Variants in PIWIL4 observed in about 807,000 individuals in gnomAD.
The protein encoded by PIWIL4 is piwi like RNA-mediated gene silencing 4, also known as piwi-like protein 4.
In PIWIL4, 50 loss-of-function variants were observed where a neutral mutation model predicts 100.9. The observed-to-expected ratio is 0.50, with a 90% CI of 0.39 to 0.63. The LOEUF (loss-of-function observed/expected upper bound fraction) is 0.63. PIWIL4 is among the 20% of genes least tolerant of loss of function. The probability of loss-of-function intolerance (pLI) is 0.00; values close to 1 mark genes in which losing one functional copy is unlikely to be tolerated. For synonymous variants in PIWIL4, 342 were observed against 367.5 expected, an observed-to-expected ratio of 0.93 and a Z score of 0.79; for missense variants, 887 against 1,043.3, an observed-to-expected ratio of 0.85 and a Z score of 2.06.
At chr11:94,607,663 C>A in intron 14 of PIWIL4, 24 bp downstream of exon 14, 4 of 1,588,536 alleles carry the variant, frequency 2.5e-6, no homozygotes, top group Non-Finnish European at 2.6e-6. Context: ...CACATTTTTT[C>A]TATTAGTAAT....
At chr11:94,620,420 A>G (rs183180849) in intron 19 of PIWIL4, among the ~76,000 whole-genome samples, 3 of 152,336 alleles carry the variant, frequency 2.0e-5, no homozygotes, top group Non-Finnish European at 2.9e-5. Flanking sequence ...TCTTATGCAA[A>G]CCTGGGAGGA....
chr11:94,603,908 A>G (rs539692699), intron 12 of PIWIL4, 76 bp from the exon 13 acceptor site: 25 of 853,286 alleles, frequency 2.9e-5, no homozygotes, highest in Admixed American at 2.5e-4. Context: ...ATTTATTTGT[A>G]TTATTTCTAA....
intron 13 of PIWIL4, among the ~76,000 whole-genome samples, chr11:94,606,650 T>C (rs1362506149): frequency 1.3e-5 from 2 of 151,920 alleles, no homozygotes; most frequent in Admixed American, 1.3e-4. Flanking sequence ...CTGGCCAACA[T>C]AGTGAAACCC....
At chr11:94,595,450 T>C (rs1427214296) in intron 10 of PIWIL4, 24 bp downstream of exon 10, 2 of 1,578,978 alleles carry the variant, frequency 1.3e-6, no homozygotes, top group South Asian at 2.2e-5. Flanking sequence ...GCATGCATCC[T>C]TCCTGGGGCT....
chr11:94,595,538 C>A lies in PIWIL4; in HGVS notation c.1268+112C>A. The A allele has an allele frequency of 4.5e-6, 4 of 890,816 alleles. No individual in the cohort carries two copies. In the South Asian group the frequency reaches 5.0e-5, roughly 11 times the overall value. The allele number at this position is 890,816 out of a possible 1,614,324, so 55.2% of individuals were successfully genotyped here. On this transcript the variant is annotated intron_variant, in intron 10 of 19. Coordinates refer to ENST00000299001, the MANE Select transcript of PIWIL4 (RefSeq NM_152431.3). Reference sequence around the variant, plus strand: ...ATGTGTCATTCATATTGATTCAGAGCAAGGAGCTTTTGAATTGTGCTGTCC... The same window carrying A: ...ATGTGTCATTCATATTGATTCAGAGAAAGGAGCTTTTGAATTGTGCTGTCC...
intron 10 of PIWIL4, among the ~76,000 whole-genome samples, chr11:94,595,998 C>G (rs188247071): frequency 5.3e-5 from 8 of 152,154 alleles, no homozygotes; most frequent in Non-Finnish European, 7.4e-5. Context: ...CTTTCTGACC[C>G]TCTAAAACTG....
intron 2 of PIWIL4, among the ~76,000 whole-genome samples, chr11:94,573,444 T>C (rs1437826036): frequency 1.3e-5 from 2 of 152,202 alleles, no homozygotes; most frequent in African/African-American, 2.4e-5. Flanking sequence ...ATAGCTCTTA[T>C]TATTTTGAGA....
At chr11:94,597,663 T>A (rs1948574377) in intron 10 of PIWIL4, 141 bp from the exon 11 acceptor site, 1 of 597,666 alleles carries the variant, frequency 1.7e-6, no homozygotes, top group Non-Finnish European at 2.9e-6. Context: ...AGTTGTCCCG[T>A]AATTCTTTTA....
rs1226491814 is a variant in PIWIL4 at position 94,605,745 on chromosome 11, C to T, written c.1638+1689C>T. On this transcript the variant is annotated intron_variant, in intron 13 of 19. Coordinates refer to ENST00000299001, the MANE Select transcript of PIWIL4 (RefSeq NM_152431.3). The stretch of plus-strand genomic sequence containing the variant: ...GAACTTTCTCTTCTCCCCATTTATT[C>T]GTTTGTTTCTTTATATCTGCATAGA... Among the ~76,000 whole-genome samples, 3 of 152,080 alleles carry T rather than the reference C, an allele frequency of 2.0e-5. No individual in the cohort carries two copies. In the East Asian group the frequency reaches 5.8e-4, roughly 29 times the overall value.
intron 11 of PIWIL4, among the ~76,000 whole-genome samples, chr11:94,598,708 T>C (rs1286424278): frequency 1.5e-5 from 2 of 134,046 alleles, no homozygotes; most frequent in Non-Finnish European, 3.4e-5. Context: ...TTTCCATCTT[T>C]TTTTTTTTTT....
At chr11:94,601,299 G>C (rs576861438) in intron 11 of PIWIL4, among the ~76,000 whole-genome samples, 1 of 152,286 alleles carries the variant, frequency 6.6e-6, no homozygotes, top group East Asian at 1.9e-4. Flanking sequence ...GCTTCAGCCA[G>C]TCCCTCCGTT....
chr11:94,597,401 G>A (rs958121311), intron 10 of PIWIL4, among the ~76,000 whole-genome samples: 3 of 152,234 alleles, frequency 2.0e-5, no homozygotes, highest in Non-Finnish European at 4.4e-5. Context: ...AGGGACTGTG[G>A]TGAGCACTTT....
chr11:94,621,039 T>C lies in PIWIL4; in HGVS notation c.*47T>C. On this transcript the variant is annotated 3_prime_UTR_variant, in exon 20 of 20. Coordinates refer to ENST00000299001, the MANE Select transcript of PIWIL4 (RefSeq NM_152431.3). ...CTAGATGGACAATCCAAGAAGAAAT[T>C]GGTATACTTTGTGCAAATCTGCCAT... 1.4e-6 allele frequency: 2 copies of C among 1,387,394 alleles called. No homozygotes were observed. The highest frequency in any genetic ancestry group is 2.0e-6 in the Non-Finnish European group (2 of 976,638). The allele number at this position is 1,387,394 out of a possible 1,614,324, so 85.9% of individuals were successfully genotyped here.
intron 4 of PIWIL4, among the ~76,000 whole-genome samples, chr11:94,580,932 C>G (rs1198551669): frequency 8.9e-6 from 1 of 112,890 alleles, no homozygotes; most frequent in Non-Finnish European, 1.7e-5. Context: ...GAGTTTTGCT[C>G]TTGTCGCCCA....
At position 94,583,040 on chromosome 11, in the gene PIWIL4, A is replaced by ATGTGTGTGTGTG. The variant is rs200968891; in HGVS notation, c.514-407_514-406insGTGTGTGTGTGT. 2.2e-3 allele frequency among the ~76,000 whole-genome samples: 258 copies of ATGTGTGTGTGTG among 118,196 alleles called. 2 individuals carry two copies. The highest frequency in any genetic ancestry group is 8.3e-3 in the Middle Eastern group (2 of 240). 77.5% of individuals were successfully genotyped at this position (118,196 alleles called of 152,430 possible). ...ACACTGTTGTGGTGTGTGTATATAT[A>ATGTGTGTGTGTG]TATATGTGTGTGTGTGTGTGTGTGT... On this transcript the variant is annotated intron_variant, in intron 4 of 19. Coordinates refer to ENST00000299001, the MANE Select transcript of PIWIL4 (RefSeq NM_152431.3).
chr11:94,582,797 C>T (rs1948340412), intron 4 of PIWIL4, among the ~76,000 whole-genome samples: 2 of 152,166 alleles, frequency 1.3e-5, no homozygotes, highest in African/African-American at 4.8e-5. Flanking sequence ...CTGATCTGTT[C>T]TAATTTCCAC....
intron 7 of PIWIL4, among the ~76,000 whole-genome samples, chr11:94,587,820 T>C (rs1948423607): frequency 6.6e-6 from 1 of 152,252 alleles, no homozygotes; most frequent in South Asian, 2.1e-4. Flanking sequence ...TTTACTTCTT[T>C]GCAACCTCTA....
At chr11:94,599,933 G>A (rs892962073) in intron 11 of PIWIL4, among the ~76,000 whole-genome samples, 1 of 152,112 alleles carries the variant, frequency 6.6e-6, no homozygotes, top group African/African-American at 2.4e-5. Flanking sequence ...ACAGGAGTCT[G>A]CATTTCTAAC....
chr11:94,581,881 T>C (rs1948324670), intron 4 of PIWIL4, among the ~76,000 whole-genome samples: 1 of 152,188 alleles, frequency 6.6e-6, no homozygotes, highest in African/African-American at 2.4e-5. Flanking sequence ...CCAGGGTCCA[T>C]CCAATTCCAC....
Sources: gnomAD v4.1 joint callset for allele counts (sites outside exome capture counted in the v4.1 genomes callset) on GRCh38, gnomAD v4.1.1 for gene constraint, MANE v1.5 for transcripts, NCBI Gene and HGNC (gene_info 2026-07-23, HGNC 2026-07-21) for gene names.